The following TUSC3 variants were observed in gnomAD, a reference collection of about 807,000 sequenced individuals.
The protein encoded by TUSC3 is dolichyl-diphosphooligosaccharide--protein glycosyltransferase subunit TUSC3.
In TUSC3, 45 loss-of-function variants were observed where a neutral mutation model predicts 44.8. The observed-to-expected ratio is 1.00, with a 90% confidence interval of 0.79 to 1.29. TUSC3 has a LOEUF of 1.29. Ranked by LOEUF, TUSC3 falls within the 50% of genes most tolerant of loss-of-function variation. The pLI, the probability that TUSC3 is intolerant of heterozygous loss-of-function variation, is 0.00. For synonymous variants in TUSC3, 212 were observed against 152.9 expected (o/e 1.39, Z -2.85); for missense variants, 519 against 437.9 (o/e 1.19, Z -1.65).
chr8:15,614,347 T>A (rs1050556212), intron 1 of TUSC3, among the ~76,000 whole-genome samples: 1 of 152,166 alleles, frequency 6.6e-6, no homozygotes, highest in African/African-American at 2.4e-5. Context: ...TATGATTAAA[T>A]GACTTTCAGT....
At chr8:15,606,340 A>G (rs1804526119) in intron 1 of TUSC3, among the ~76,000 whole-genome samples, 1 of 152,072 alleles carries the variant, frequency 6.6e-6, no homozygotes, top group Admixed American at 6.6e-5. Context: ...AGAATATTGC[A>G]TATAATACAT....
At chr8:15,815,363 C>G in the TUSC3 span, among the ~76,000 whole-genome samples, 4 of 151,812 alleles carry the variant, frequency 2.6e-5, no homozygotes, top group Admixed American at 2.6e-4. Flanking sequence ...CCTGAGTCAG[C>G]TGGAGTCCCT....
chr8:15,467,550 T>G (rs895265537), intron 1 of TUSC3, among the ~76,000 whole-genome samples: 1 of 152,172 alleles, frequency 6.6e-6, no homozygotes, highest in Non-Finnish European at 1.5e-5. Context: ...CCAGTTTCAT[T>G]GGGAGATGAC....
chr8:15,763,815 G>C (rs1055514064), intron 10 of TUSC3, among the ~76,000 whole-genome samples: 1 of 152,004 alleles, frequency 6.6e-6, no homozygotes, highest in African/African-American at 2.4e-5. Context: ...TATACGGTTA[G>C]AGAAAAAATA....
intron 8 of TUSC3, among the ~76,000 whole-genome samples, chr8:15,743,924 T>G (rs577585697): frequency 9.2e-5 from 14 of 152,210 alleles, no homozygotes; most frequent in Non-Finnish European, 1.8e-4. Context: ...CACAGAGAGA[T>G]GGAAAATTTT....
chr8:15,773,423 A>C, the TUSC3 span, among the ~76,000 whole-genome samples: 1 of 152,048 alleles, frequency 6.6e-6, no homozygotes, highest in Admixed American at 6.6e-5. Context: ...CTAAAAATAC[A>C]AAACATTGCT....
chr8:15,418,034 G>C (rs74389543), intron 1 of TUSC3, among the ~76,000 whole-genome samples: 1 of 152,120 alleles, frequency 6.6e-6, no homozygotes, highest in Non-Finnish European at 1.5e-5. Context: ...CCCAGGTTCC[G>C]TTAGATAGAC....
rs987156771 is a variant in TUSC3, at chr8:15,619,712, G to T, written c.139-3368G>T. ...GTTTTAGTAGAGATGGGGTTCCACT[G>T]TGTTAGCCAGGATGGTCTCCATCTC... On this transcript the variant is annotated intron_variant, in intron 1 of 10. Coordinates refer to ENST00000503731, the MANE Select transcript of TUSC3 (RefSeq NM_006765.4). 4.6e-5 allele frequency among the ~76,000 whole-genome samples: 7 copies of T among 152,182 alleles called. No individual in the cohort carries two copies. In the East Asian group the frequency reaches 7.7e-4, roughly 17 times the overall value.
At chr8:15,462,620 C>T (rs1024226392) in intron 1 of TUSC3, among the ~76,000 whole-genome samples, 2 of 152,098 alleles carry the variant, frequency 1.3e-5, no homozygotes, top group Non-Finnish European at 2.9e-5. Context: ...TATGTTTAAA[C>T]CAAGATGGTA....
chr8:15,473,350 A>C (rs1378362661), intron 1 of TUSC3, among the ~76,000 whole-genome samples: 1 of 152,208 alleles, frequency 6.6e-6, no homozygotes, highest in African/African-American at 2.4e-5. Context: ...GAAATGTTTC[A>C]TCCCATACCC....
chr8:15,610,525 A>G (rs114746187), intron 1 of TUSC3, among the ~76,000 whole-genome samples: 2,655 of 152,290 alleles, frequency 0.017, 89 homozygotes, highest in African/African-American at 0.06. Flanking sequence ...TTAATTTAAC[A>G]TCTGGCAACA....
chr8:15,815,867 GAA>G, the TUSC3 span, among the ~76,000 whole-genome samples: 1 of 152,228 alleles, frequency 6.6e-6, no homozygotes, highest in South Asian at 2.1e-4. Flanking sequence ...TGTTTCCAGG[GAA>G]AATTCCAGAA....
intron 1 of TUSC3, among the ~76,000 whole-genome samples, chr8:15,554,452 A>T (rs968434960): frequency 2.0e-5 from 3 of 151,664 alleles, no homozygotes; most frequent in Non-Finnish European, 2.9e-5. Context: ...CTGAATGACC[A>T]GGGTGAGCAG....
intron 5 of TUSC3, among the ~76,000 whole-genome samples, chr8:15,668,136 A>C (rs1040693956): frequency 2.0e-5 from 3 of 151,790 alleles, no homozygotes; most frequent in Non-Finnish European, 4.4e-5. Context: ...TTGTACATGT[A>C]GCCACAGCAT....
chr8:15,613,368 T>C (rs1004586002), intron 1 of TUSC3, among the ~76,000 whole-genome samples: 1 of 152,096 alleles, frequency 6.6e-6, no homozygotes, highest in African/African-American at 2.4e-5. Flanking sequence ...ATGTGATCTG[T>C]GTTGTTGTTA....
At chr8:15,656,083 G>C (rs1807150322) in intron 3 of TUSC3, among the ~76,000 whole-genome samples, 1 of 152,050 alleles carries the variant, frequency 6.6e-6, no homozygotes, top group Non-Finnish European at 1.5e-5. Context: ...GGGGTGGGCA[G>C]AGGCAGAATA....
chr8:15,522,450 C>G (rs1801311199), intron 2 of TUSC3, among the ~76,000 whole-genome samples: 1 of 151,836 alleles, frequency 6.6e-6, no homozygotes, highest in Non-Finnish European at 1.5e-5. Context: ...CCAGGTTGGT[C>G]TTGAACTCCC....
chr8:15,445,772 C>G (rs1427910451), intron 1 of TUSC3, among the ~76,000 whole-genome samples: 3 of 152,226 alleles, frequency 2.0e-5, no homozygotes, highest in Admixed American at 6.5e-5. Context: ...ACATTTCCCC[C>G]TTTTCTATTC....
chr8:15,640,905 G>A (rs1229770957), intron 2 of TUSC3, among the ~76,000 whole-genome samples: 1 of 152,114 alleles, frequency 6.6e-6, no homozygotes, highest in South Asian at 2.1e-4. Context: ...GTTCAAAAAG[G>A]TTTATTTAAG....
Sources: gnomAD v4.1 joint callset for allele counts (sites outside exome capture counted in the v4.1 genomes callset) on GRCh38, gnomAD v4.1.1 for gene constraint, MANE v1.5 for transcripts, NCBI Gene and HGNC (gene_info 2026-07-23, HGNC 2026-07-21) for gene names.